ARID5A: variants seen among roughly 807,000 people sequenced by gnomAD.
The protein encoded by ARID5A is AT-rich interaction domain 5A.
A neutral mutation model predicts 30.5 loss-of-function variants in ARID5A; 14 were observed. That is an observed-to-expected ratio of 0.46 (90% CI 0.30 to 0.72). The LOEUF (loss-of-function observed/expected upper bound fraction) is 0.72, where lower values mean the gene tolerates loss of function less well. Among genes scored for constraint, ARID5A ranks in the 30% least tolerant of loss-of-function variants. ARID5A has a pLI of 0.07. For synonymous variants in ARID5A, 338 were observed against 340.4 expected (o/e 0.99, Z 0.08); for missense variants, 669 against 786.2 (o/e 0.85, Z 1.78).
At chr2:96,546,960 C>G (rs1179547808) in intron 1 of ARID5A, among the ~76,000 whole-genome samples, 2 of 152,156 alleles carry the variant, frequency 1.3e-5, no homozygotes, top group Non-Finnish European at 2.9e-5. Context: ...CAACCCCGGC[C>G]TCCTGTGACT....
chr2:96,552,298 C>T lies in ARID5A; in HGVS notation c.1770C>T (p.Leu590=), dbSNP rs755451487. Residue 590 remains leucine (L), a synonymous_variant, in exon 7 of 7, where the codon CTC becomes CTT. Coordinates refer to ENST00000357485, the MANE Select transcript of ARID5A (RefSeq NM_212481.3). ...ATGCAGCGCCCCACTTCTTCCACCT[C>T]AACACCAAGCTGTAGGCCAGCCCAT... ...TTYAAPHFFH[L]NTKL The T allele has an allele frequency of 2.5e-6, 4 of 1,613,162 alleles. No homozygotes were observed. The highest frequency in any genetic ancestry group is 2.7e-5 in the African/African-American group (2 of 74,950).
At chr2:96,542,009 A>G (rs2065854394) in intron 1 of ARID5A, among the ~76,000 whole-genome samples, 1 of 152,216 alleles carries the variant, frequency 6.6e-6, no homozygotes, top group South Asian at 2.1e-4. Context: ...CCCACCATGC[A>G]GGTCCTGCCT....
chr2:96,538,294 T>TG (rs1288679570), intron 1 of ARID5A: 1 of 985,330 alleles, frequency 1.0e-6, no homozygotes, highest in Non-Finnish European at 1.2e-6. Context: ...ATCCTGGAAC[T>TG]GGGGCTTTTA....
intron 1 of ARID5A, among the ~76,000 whole-genome samples, chr2:96,540,628 T>C (rs1260927091): frequency 3.3e-5 from 5 of 152,236 alleles, no homozygotes; most frequent in Non-Finnish European, 7.3e-5. Flanking sequence ...GAGGGAAACC[T>C]GAATTATGGA....
chr2:96,541,568 G>A (rs1281243427), intron 1 of ARID5A, among the ~76,000 whole-genome samples: 2 of 152,184 alleles, frequency 1.3e-5, no homozygotes, highest in African/African-American at 4.8e-5. Flanking sequence ...ATTGGAGGAG[G>A]AGGCTACTCA....
rs937872926 is a variant in ARID5A, at chr2:96,550,506, G to T, written c.411-68G>T. 6.6e-7 allele frequency: 1 copy of T among 1,508,844 alleles called. No homozygotes were observed. The highest frequency in any genetic ancestry group is 2.2e-5 in the Admixed American group (1 of 45,956). The allele number at this position is 1,508,844 out of a possible 1,614,324, so 93.5% of individuals were successfully genotyped here. On this transcript the variant is annotated intron_variant, in intron 5 of 6. Coordinates refer to ENST00000357485, the MANE Select transcript of ARID5A (RefSeq NM_212481.3). The surrounding 1 kb of genome is among the most constrained non-coding windows in gnomAD (Gnocchi z 6.6). Reference sequence around the variant, plus strand: ...CGCCGGCGGGGAAGGGGGCTCAGAGGAGGCTACAGAGGCCCAGGGAGGGGA... The same window carrying T: ...CGCCGGCGGGGAAGGGGGCTCAGAGTAGGCTACAGAGGCCCAGGGAGGGGA...
At chr2:96,546,138 T>C (rs967274398) in intron 1 of ARID5A, among the ~76,000 whole-genome samples, 2 of 152,204 alleles carry the variant, frequency 1.3e-5, no homozygotes, top group Admixed American at 6.5e-5. Context: ...TTCTACCCTG[T>C]GCCTCTGAGT....
In ARID5A at chr2:96,551,561, T is replaced by A. The variant is rs760300815; in HGVS notation, c.1033T>A (p.Tyr345Asn). 6.2e-7 allele frequency: 1 copy of A among 1,602,532 alleles called. No individual in the cohort carries two copies. Residue 345 changes from tyrosine to asparagine, a missense_variant, in exon 7 of 7, where the codon TAC (tyrosine) becomes AAC (asparagine). By Grantham distance (143) the Tyr-to-Asn change is moderately radical. Transcript: ENST00000357485. ...AGCCCCCATCTTCAAGGGCTGCTTCTACACCCACCCCACCGAGGTGCTGAA... is the reference window on the plus strand; with the variant it reads ...AGCCCCCATCTTCAAGGGCTGCTTCAACACCCACCCCACCGAGGTGCTGAA... ...PAAPIFKGCF[Y>N]THPTEVLKPV...
rs6576973 is a variant in ARID5A at position 96,552,630 on chromosome 2, A to G, written c.*317A>G. The G allele has an allele frequency of 0.046, 63,575 of 1,388,782 alleles. 3,696 individuals carry two copies. The highest frequency in any genetic ancestry group is 0.28 in the African/African-American group (19,367 of 69,424). The allele number at this position is 1,388,782 out of a possible 1,614,324, so 86.0% of individuals were successfully genotyped here. A position where few individuals can be genotyped will look rare whatever the true frequency, so the allele number is the denominator to read the frequency against. ...ATCCAATAAAAAGACACCAGTGTGA[A>G]TCCACGTAGCCCTGAGGTGTGTGTG... On this transcript the variant is annotated 3_prime_UTR_variant, in exon 7 of 7. Transcript: ENST00000357485.
At chr2:96,546,170 C>G (rs562589846) in intron 1 of ARID5A, among the ~76,000 whole-genome samples, 179 of 152,292 alleles carry the variant, frequency 1.2e-3, no homozygotes, top group Middle Eastern at 0.01. Flanking sequence ...CTGGCTTACG[C>G]TGGTTTGGGT....
chr2:96,541,099 G>C (rs1434198051), intron 1 of ARID5A, among the ~76,000 whole-genome samples: 2 of 138,828 alleles, frequency 1.4e-5, no homozygotes, highest in African/African-American at 5.5e-5. Flanking sequence ...ATGCAGTGGC[G>C]CGAGCTCAGC....
Position 96,550,514 on chromosome 2 carries a change from A to T in ARID5A, c.411-60A>T. The T allele has an allele frequency of 6.5e-7, 1 of 1,527,806 alleles. No homozygotes were observed. Among genetic ancestry groups the T allele is most frequent in the South Asian group, 1.2e-5 (1 of 81,102 alleles). 94.6% of individuals were successfully genotyped at this position (1,527,806 alleles called of 1,614,324 possible). A position where few individuals can be genotyped will look rare whatever the true frequency, so the allele number is the denominator to read the frequency against. On this transcript the variant is annotated intron_variant, in intron 5 of 6. Coordinates refer to ENST00000357485, the MANE Select transcript of ARID5A (RefSeq NM_212481.3). The surrounding 1 kb of genome is among the most constrained non-coding windows in gnomAD (Gnocchi z 6.6). ...GGGAAGGGGGCTCAGAGGAGGCTAC[A>T]GAGGCCCAGGGAGGGGATGGGCGCC... is the stretch of plus-strand genomic sequence containing the variant.
At chr2:96,546,423 G>A (rs747113234) in intron 1 of ARID5A, among the ~76,000 whole-genome samples, 6 of 152,238 alleles carry the variant, frequency 3.9e-5, no homozygotes, top group Admixed American at 3.9e-4. Context: ...GAGGTGTTGC[G>A]TTTTTGCAAC....
rs754223048 is a variant in ARID5A, at chr2:96,551,228, G to A, written c.700G>A (p.Gly234Ser). 85 of 1,613,838 alleles carry A rather than the reference G, an allele frequency of 5.3e-5. No homozygotes were observed. Among genetic ancestry groups the A allele is most frequent in the Middle Eastern group, 1.6e-4 (1 of 6,084 alleles). The change falls in exon 7 of 7, where the codon GGC becomes AGC. Residue 234 changes from glycine (G) to serine (S), a missense_variant. Around this residue, in one of 4 missense-constraint regions of ARID5A, gnomAD observed 548 missense variants for 577.4 expected, o/e 0.95. Coordinates refer to ENST00000357485, the MANE Select transcript of ARID5A (RefSeq NM_212481.3). ...TTCTGTGTCCTTTGTGGGTGCCAGC[G>A]GCTGTCCTGAGGCCTACAAGCGGCT... The part of the protein sequence containing the change: ...GSSVSFVGAS[G>S]CPEAYKRLLS...
chr2:96,538,096 G>GGCTAGA, intron 1 of ARID5A: 1 of 985,522 alleles, frequency 1.0e-6, no homozygotes, highest in East Asian at 1.1e-4. Context: ...CCCGCCTGGG[G>GGCTAGA]CCTAGAACTT....
rs1284931287 is a variant in ARID5A, at chr2:96,550,360, G to A, written c.410+75G>A. 4 of 1,425,108 alleles carry A rather than the reference G, an allele frequency of 2.8e-6. No individual in the cohort carries two copies. Among genetic ancestry groups the A allele is most frequent in the Admixed American group, 3.0e-5 (1 of 32,954 alleles). The allele number at this position is 1,425,108 out of a possible 1,614,324, so 88.3% of individuals were successfully genotyped here. ...TTGGCCGACCTTGCCGGGAGGGCCG[G>A]GTGGACTCTGCCCGGAGCGGGCAGG... On this transcript the variant is annotated intron_variant, in intron 5 of 6. Transcript: ENST00000357485. The surrounding 1 kb of genome is among the most constrained non-coding windows in gnomAD (Gnocchi z 6.6).
intron 1 of ARID5A, among the ~76,000 whole-genome samples, chr2:96,545,061 C>T (rs893805020): frequency 6.6e-6 from 1 of 151,858 alleles, no homozygotes; most frequent in African/African-American, 2.4e-5. Context: ...CATGATCAAA[C>T]TTGAGTGGAT....
chr2:96,547,900 T>C (rs993112336), intron 2 of ARID5A, among the ~76,000 whole-genome samples: 6 of 152,230 alleles, frequency 3.9e-5, no homozygotes, highest in Non-Finnish European at 8.8e-5. Context: ...TGCAGGCAGC[T>C]TTTTCGGAGC....
intron 1 of ARID5A, among the ~76,000 whole-genome samples, chr2:96,543,467 C>G (rs1012364083): frequency 3.3e-5 from 5 of 151,758 alleles, no homozygotes; most frequent in Non-Finnish European, 7.4e-5. Context: ...GTCTCGGTGT[C>G]ACATTTTGGT....
Sources: gnomAD v4.1 joint callset for allele counts (sites outside exome capture counted in the v4.1 genomes callset) on GRCh38, gnomAD v4.1.1 for gene constraint, gnomAD v4.1.1 regional missense constraint, Gnocchi (gnomAD v3.1) non-coding constraint, MANE v1.5 for transcripts, NCBI Gene and HGNC (gene_info 2026-07-23, HGNC 2026-07-21) for gene names.